The following CD96 variants were observed in gnomAD, a reference collection of about 807,000 sequenced individuals.
CD96 encodes the protein CD96 molecule, also known as T-cell surface protein tactile.
A neutral mutation model predicts 71.3 loss-of-function variants in CD96; 70 were observed. The observed-to-expected ratio is 0.98, with a 90% confidence interval of 0.81 to 1.20. The LOEUF is 1.20. Ranked by LOEUF, CD96 falls within the 50% of genes most tolerant of loss-of-function variation. The pLI, the probability that CD96 is intolerant of heterozygous loss-of-function variation, is 0.00. For synonymous variants in CD96, 248 were observed against 233.0 expected (o/e 1.06, Z -0.59); for missense variants, 742 against 677.5 (o/e 1.10, Z -1.06).
At chr3:111,592,294 A>G (rs753253718) in intron 5 of CD96, among the ~76,000 whole-genome samples, 9 of 152,158 alleles carry the variant, frequency 5.9e-5, no homozygotes, top group Non-Finnish European at 1.3e-4. Flanking sequence ...CTCCCTATAG[A>G]CTGTTAGGAT....
At chr3:111,542,899 A>G (rs563774291) in intron 1 of CD96, among the ~76,000 whole-genome samples, 1 of 152,338 alleles carries the variant, frequency 6.6e-6, no homozygotes, top group South Asian at 2.1e-4. Flanking sequence ...AGGAAGCAAG[A>G]TTAGTTCTGT....
chr3:111,563,772 T>C (rs985325933), intron 2 of CD96, among the ~76,000 whole-genome samples: 1 of 152,194 alleles, frequency 6.6e-6, no homozygotes, highest in African/African-American at 2.4e-5. Flanking sequence ...TTCTTAGTGC[T>C]AAAGGTAAAT....
At chr3:111,604,879 A>G (rs1029758247) in intron 7 of CD96, among the ~76,000 whole-genome samples, 15 of 150,542 alleles carry the variant, frequency 1.0e-4, no homozygotes, top group African/African-American at 3.7e-4. Flanking sequence ...ATAGGTTAAA[A>G]GAAAAAAAGG....
At chr3:111,585,179 G>A (rs1936649063) in intron 4 of CD96, 144 bp from the exon 5 acceptor site, 2 of 284,416 alleles carry the variant, frequency 7.0e-6, no homozygotes, top group South Asian at 7.8e-5. Flanking sequence ...AGTGGGCCTG[G>A]CAGTATTATA....
At chr3:111,581,636 C>T (rs146794854) in intron 4 of CD96, among the ~76,000 whole-genome samples, 207 of 152,320 alleles carry the variant, frequency 1.4e-3, no homozygotes, top group African/African-American at 4.7e-3. Context: ...CTGCCCATCA[C>T]AGGGTTCTGT....
intron 12 of CD96, among the ~76,000 whole-genome samples, chr3:111,647,315 C>A (rs1162231108): frequency 6.6e-6 from 1 of 152,026 alleles, no homozygotes; most frequent in African/African-American, 2.4e-5. Flanking sequence ...ATTCATGGTA[C>A]ATATGTATGC....
chr3:111,607,295 G>C lies in CD96; in HGVS notation c.1180+503G>C, dbSNP rs1049847631. On this transcript the variant is annotated intron_variant, in intron 8 of 13. Coordinates refer to ENST00000352690, the MANE Select transcript of CD96 (RefSeq NM_005816.5). Reference sequence around the variant, plus strand: ...TTGTAAATGGGGATAGGCCAAAAGAGGTTGAATCCTTTTAAATTTAAATTT... The same window carrying C: ...TTGTAAATGGGGATAGGCCAAAAGACGTTGAATCCTTTTAAATTTAAATTT... Among the ~76,000 whole-genome samples, 106 of 152,116 alleles carry C rather than the reference G, an allele frequency of 7.0e-4. 2 individuals are homozygous for C. Among genetic ancestry groups the C allele is most frequent in the Non-Finnish European group, 5.9e-5 (4 of 68,022 alleles).
At chr3:111,653,806 G>A (rs1403205094), downstream of CD96, among the ~76,000 whole-genome samples, 5 of 150,540 alleles carry the variant, frequency 3.3e-5, no homozygotes, top group African/African-American at 1.2e-4. Context: ...AGGCTGAGAA[G>A]CGATAATTTT....
chr3:111,554,199 C>CT (rs975684514), intron 2 of CD96, among the ~76,000 whole-genome samples: 1 of 151,940 alleles, frequency 6.6e-6, no homozygotes, highest in African/African-American at 2.4e-5. Context: ...ATATTTTCTA[C>CT]TTTTTTTCCC....
intron 8 of CD96, chr3:111,612,802 T>A (rs562623525): frequency 1.1e-6 from 1 of 909,950 alleles, no homozygotes; most frequent in East Asian, 1.2e-4. Flanking sequence ...CCTATGCTTA[T>A]ATTAATCTCT....
intron 10 of CD96, chr3:111,634,895 C>CA (rs553819341): frequency 0.029 from 3,885 of 133,692 alleles, 159 homozygotes; most frequent in African/African-American, 0.094. Context: ...AACTCTGTCT[C>CA]AAAAAAAAAA....
chr3:111,617,558 G>A (rs1376907084), intron 8 of CD96, among the ~76,000 whole-genome samples: 1 of 152,160 alleles, frequency 6.6e-6, no homozygotes, highest in African/African-American at 2.4e-5. Flanking sequence ...CCTGCAGAAA[G>A]GAGCTACCCA....
chr3:111,591,277 G>T (rs1179434812), intron 5 of CD96, among the ~76,000 whole-genome samples: 1 of 148,880 alleles, frequency 6.7e-6, no homozygotes, highest in African/African-American at 2.5e-5. Flanking sequence ...GGAGGCTTAG[G>T]CAGAAGAATT....
At chr3:111,638,041 T>G in intron 11 of CD96, 38 bp from the exon 12 acceptor site, 1 of 1,082,248 alleles carries the variant, frequency 9.2e-7, no homozygotes, top group Non-Finnish European at 1.4e-6. Context: ...TTGATCAAGT[T>G]GAGATGTCTT....
chr3:111,653,782 T>C (rs548853702), downstream of CD96, among the ~76,000 whole-genome samples: 1 of 152,298 alleles, frequency 6.6e-6, no homozygotes, highest in East Asian at 1.9e-4. Flanking sequence ...TTTTTACACT[T>C]GATCTTAGCC....
At chr3:111,594,117 T>TA (rs754117104) in intron 5 of CD96, 6 of 1,614,082 alleles carry the variant, frequency 3.7e-6, no homozygotes, top group Non-Finnish European at 5.1e-6. Flanking sequence ...CCTGTCTCAC[T>TA]AATCTCTTCC....
intron 4 of CD96, chr3:111,579,536 A>G (rs1285650761): frequency 7.3e-6 from 3 of 409,422 alleles, no homozygotes; most frequent in Non-Finnish European, 1.4e-5. Context: ...AAAGGAATTT[A>G]TTACTTACAG....
chr3:111,549,699 A>G (rs1428524954), intron 2 of CD96, among the ~76,000 whole-genome samples: 1 of 152,180 alleles, frequency 6.6e-6, no homozygotes, highest in Non-Finnish European at 1.5e-5. Flanking sequence ...TGAAGGAAGG[A>G]ATAAAAAGCA....
intron 2 of CD96, among the ~76,000 whole-genome samples, chr3:111,553,085 A>G (rs994352201): frequency 1.4e-5 from 2 of 144,618 alleles, no homozygotes; most frequent in African/African-American, 2.9e-5. Context: ...GATGTCATTA[A>G]AAAAAAGCCA....
Sources: gnomAD v4.1 joint callset for allele counts (sites outside exome capture counted in the v4.1 genomes callset) on GRCh38, gnomAD v4.1.1 for gene constraint, MANE v1.5 for transcripts, NCBI Gene and HGNC (gene_info 2026-07-23, HGNC 2026-07-21) for gene names.